Variants in UBE2L3 observed in about 807,000 individuals in gnomAD.
The protein encoded by UBE2L3 is ubiquitin-conjugating enzyme E2 L3.
UBE2L3 carries 1 observed loss-of-function variant against 17.8 expected under a neutral mutation model. The ratio of observed to expected loss-of-function variants is 0.06; its 90% confidence interval spans 0.02 to 0.27. The LOEUF is 0.27. Among genes scored for constraint, UBE2L3 ranks in the 10% least tolerant of loss-of-function variants. UBE2L3 has a pLI of 1.00. For synonymous variants in UBE2L3, 44 were observed against 68.5 expected, an observed-to-expected ratio of 0.64 and a Z score of 1.76; for missense variants, 40 against 192.6, an observed-to-expected ratio of 0.21 and a Z score of 4.69.
rs185818631 is a variant in UBE2L3, at chr22:21,562,279, C to A, written c.201+12629C>A. Among the ~76,000 whole-genome samples the A allele has an allele frequency of 3.5e-3, 532 of 151,272 alleles. 3 individuals carry two copies. Among genetic ancestry groups the A allele is most frequent in the African/African-American group, 0.01 (433 of 41,248 alleles). On this transcript the variant is annotated intron_variant, in intron 1 of 3. Transcript: ENST00000458578. ...GCGTGATCTCGGCTCACTGCAAGCT[C>A]CACCTCCCGGGTTCATGCCATTCTC...
chr22:21,585,621 A>G (rs898802652), intron 1 of UBE2L3, among the ~76,000 whole-genome samples: 13 of 152,216 alleles, frequency 8.5e-5, no homozygotes, highest in African/African-American at 2.9e-4. Flanking sequence ...CCTTTTAGCC[A>G]GGGCTTGGGG....
intron 1 of UBE2L3, among the ~76,000 whole-genome samples, chr22:21,556,490 C>G (rs556513010): frequency 6.6e-6 from 1 of 152,258 alleles, no homozygotes; most frequent in African/African-American, 2.4e-5. Context: ...AGTGCAGTGG[C>G]GTGATCTCGG....
At chr22:21,593,761 G>T (rs1283895035) in intron 2 of UBE2L3, among the ~76,000 whole-genome samples, 1 of 152,052 alleles carries the variant, frequency 6.6e-6, no homozygotes, top group African/African-American at 2.4e-5. Context: ...TGGCATCATG[G>T]CCCTTGCTTG....
At chr22:21,562,462 C>T (rs1926476305) in intron 1 of UBE2L3, among the ~76,000 whole-genome samples, 1 of 151,596 alleles carries the variant, frequency 6.6e-6, no homozygotes, top group Non-Finnish European at 1.5e-5. Flanking sequence ...AACTCCGCCT[C>T]CCGGGTTCAT....
intron 1 of UBE2L3, among the ~76,000 whole-genome samples, chr22:21,555,991 T>C (rs8139142): frequency 0.2 from 29,761 of 147,708 alleles, 939 homozygotes; most frequent in East Asian, 0.37. Flanking sequence ...ACCCAGCCCT[T>C]TGGGAGGCGG....
Position 21,621,884 on chromosome 22 carries a change from CTT to C in UBE2L3, c.*217_*218del, listed in dbSNP as rs746563948. On this transcript the variant is annotated 3_prime_UTR_variant, in exon 4 of 4. Transcript: ENST00000342192. ...ATTTAAGATGTTCTAGTTCTGCTCT[CTT>C]TGTTTTAAAAATCACTGCTTCAATC... 7.8e-5 allele frequency: 37 copies of C among 472,884 alleles called. No individual in the cohort carries two copies. Among genetic ancestry groups the C allele is most frequent in the Admixed American group, 2.2e-4 (5 of 23,196 alleles). 29.3% of individuals were successfully genotyped at this position (472,884 alleles called of 1,614,324 possible).
chr22:21,590,404 G>T (rs1928191947), intron 1 of UBE2L3, among the ~76,000 whole-genome samples: 1 of 152,084 alleles, frequency 6.6e-6, no homozygotes. Context: ...CGCCATGTTG[G>T]CCAGGCTTGT....
upstream of UBE2L3, among the ~76,000 whole-genome samples, chr22:21,567,333 T>A (rs1926678775): frequency 1.3e-5 from 2 of 152,096 alleles, no homozygotes; most frequent in Non-Finnish European, 2.9e-5. Flanking sequence ...CTGGCTAATT[T>A]TTTGTATTTT....
chr22:21,575,584 C>T (rs903468643), intron 1 of UBE2L3, among the ~76,000 whole-genome samples: 39 of 135,458 alleles, frequency 2.9e-4, no homozygotes, highest in African/African-American at 8.0e-4. Context: ...GCGAGACTCT[C>T]GAAAGAAAAA....
chr22:21,612,098 T>C (rs901658102), intron 3 of UBE2L3, among the ~76,000 whole-genome samples: 2 of 152,114 alleles, frequency 1.3e-5, no homozygotes, highest in African/African-American at 2.4e-5. Flanking sequence ...AAAAAAGCCT[T>C]GGAAGGTGGA....
intron 2 of UBE2L3, among the ~76,000 whole-genome samples, chr22:21,596,299 C>T (rs550982238): frequency 1.2e-3 from 177 of 152,234 alleles, no homozygotes; most frequent in Middle Eastern, 0.01. Context: ...TTTCTGGGCT[C>T]AAGCAATCCT....
At chr22:21,607,118 C>T (rs1311280482) in intron 2 of UBE2L3, among the ~76,000 whole-genome samples, 3 of 152,124 alleles carry the variant, frequency 2.0e-5, no homozygotes, top group Admixed American at 1.3e-4. Flanking sequence ...AACTGGCGCA[C>T]GCCAGCCTTG....
upstream of UBE2L3, among the ~76,000 whole-genome samples, chr22:21,562,892 T>C (rs1454895083): frequency 6.6e-6 from 1 of 151,694 alleles, no homozygotes; most frequent in Admixed American, 6.6e-5. Context: ...GAATAGCATG[T>C]GGTCAATGGG....
At chr22:21,603,335 C>A (rs1327942376) in intron 2 of UBE2L3, among the ~76,000 whole-genome samples, 1 of 151,660 alleles carries the variant, frequency 6.6e-6, no homozygotes, top group Non-Finnish European at 1.5e-5. Flanking sequence ...CGAGACCAGC[C>A]TGGCCAACAT....
chr22:21,568,223 T>G, intron 1 of UBE2L3: 1 of 988,990 alleles, frequency 1.0e-6, no homozygotes, highest in Non-Finnish European at 1.2e-6. Flanking sequence ...CAGCTCCGCT[T>G]GGCCCGGCCG....
chr22:21,614,498 C>T, intron 3 of UBE2L3: 6 of 1,139,284 alleles, frequency 5.3e-6, no homozygotes, highest in Non-Finnish European at 7.3e-6. Context: ...TCTTCCAGCG[C>T]TCTTCCTTTG....
At chr22:21,614,044 G>T (rs1487268340) in intron 3 of UBE2L3, among the ~76,000 whole-genome samples, 6 of 152,200 alleles carry the variant, frequency 3.9e-5, no homozygotes, top group Admixed American at 2.6e-4. Flanking sequence ...TGATGGCAGA[G>T]GTGGGACAGG....
At chr22:21,582,143 C>CA (rs547252520) in intron 1 of UBE2L3, among the ~76,000 whole-genome samples, 267 of 136,368 alleles carry the variant, frequency 2.0e-3, no homozygotes, top group African/African-American at 3.8e-3. Context: ...AAAAAACAAA[C>CA]AAAAAAAAAA....
chr22:21,601,650 C>T (rs1028534749), intron 2 of UBE2L3, among the ~76,000 whole-genome samples: 1 of 151,654 alleles, frequency 6.6e-6, no homozygotes, highest in East Asian at 2.0e-4. Context: ...GAGTGGATCA[C>T]GAAGGCTTGA....
Sources: allele counts gnomAD v4.1 joint callset (sites outside exome capture counted in the v4.1 genomes callset), GRCh38; gene constraint gnomAD v4.1.1; transcripts MANE v1.5; gene names NCBI Gene and HGNC (gene_info 2026-07-23, HGNC 2026-07-21).